The following MCCC2 variants were observed in gnomAD, a reference collection of about 807,000 sequenced individuals.
MCCC2 encodes the protein methylcrotonyl-CoA carboxylase subunit 2.
Under a neutral mutation model 77.2 loss-of-function variants are expected in MCCC2, and 52 were observed. That is an observed-to-expected ratio of 0.67 (90% confidence interval 0.54 to 0.85). The LOEUF (loss-of-function observed/expected upper bound fraction) is 0.85, where lower values mean the gene tolerates loss of function less well. Ranked by LOEUF, MCCC2 falls within the 40% of genes least tolerant of loss-of-function variation. The probability of loss-of-function intolerance (pLI) is 0.00; values close to 1 mark genes in which losing one functional copy is unlikely to be tolerated. For missense variants in MCCC2, 682 were observed against 703.2 expected, an observed-to-expected ratio of 0.97 and a Z score of 0.34; for synonymous variants, 253 against 248.4, an observed-to-expected ratio of 1.02 and a Z score of -0.18.
chr5:71,650,169 C>G lies in MCCC2; in HGVS notation c.1474C>G (p.Arg492Gly). ...CACGATAACAAAGGACCAAAGAGCC[C>G]GGGAAGGAAAGCAGGTCGGTGTCGT... ...LATITKDQRAREGKQFSSADE... is the reference protein window; with the variant it reads ...LATITKDQRAGEGKQFSSADE... Residue 492 changes from arginine (R) to glycine (G), a missense_variant, in exon 15 of 17, where the codon CGG becomes GGG. By Grantham distance (125) the Arg-to-Gly change is moderately radical. Transcript: ENST00000340941. The G allele has an allele frequency of 6.2e-7, 1 of 1,614,008 alleles. No individual in the cohort carries two copies. Among genetic ancestry groups the G allele is most frequent in the East Asian group, 2.2e-5 (1 of 44,880 alleles).
At chr5:71,601,461 A>G (rs1460454175) in intron 4 of MCCC2, among the ~76,000 whole-genome samples, 6 of 152,220 alleles carry the variant, frequency 3.9e-5, no homozygotes, top group Admixed American at 6.5e-5. Flanking sequence ...TAAATCATTA[A>G]AAGTTTGCAT....
Position 71,650,853 on chromosome 5 carries a change from G to A in MCCC2, c.1488+670G>A, listed in dbSNP as rs543866244. 2.4e-3 allele frequency among the ~76,000 whole-genome samples: 361 copies of A among 152,276 alleles called. 2 individuals carry two copies. The highest frequency in any genetic ancestry group is 3.0e-3 in the Non-Finnish European group (206 of 68,030). On this transcript the variant is annotated intron_variant, in intron 15 of 16. Coordinates refer to ENST00000340941, the MANE Select transcript of MCCC2 (RefSeq NM_022132.5). ...TTTAGTAGAGATGGGGTTTCACTGTGTTAGCCAGGATGGTCTCGATCTCCT... is the reference window on the plus strand; with the variant it reads ...TTTAGTAGAGATGGGGTTTCACTGTATTAGCCAGGATGGTCTCGATCTCCT...
intron 1 of MCCC2, among the ~76,000 whole-genome samples, chr5:71,588,823 C>T (rs949717735): frequency 2.0e-5 from 3 of 151,916 alleles, no homozygotes; most frequent in African/African-American, 7.3e-5. Context: ...AATTCCATGT[C>T]TAGGACATGG....
intron 7 of MCCC2, among the ~76,000 whole-genome samples, chr5:71,628,730 CAAGTT>C (rs1229586928): frequency 6.6e-6 from 1 of 152,114 alleles, no homozygotes; most frequent in African/African-American, 2.4e-5. Flanking sequence ...AGGTCAATAA[CAAGTT>C]AATAAGCTGT....
chr5:71,634,994 C>G lies in MCCC2; in HGVS notation c.855C>G (p.His285Gln), dbSNP rs1334585091. ...HWALDDHHAL[H>Q]LTRKVVRNLN... ...CTTTGGATGATCATCATGCCCTTCACTTAACTAGGAAGGTTGTGAGGAATC... is the reference window on the plus strand; with the variant it reads ...CTTTGGATGATCATCATGCCCTTCAGTTAACTAGGAAGGTTGTGAGGAATC... The change falls in exon 9 of 17, where the codon CAC becomes CAG. Residue 285 changes from histidine (H) to glutamine (Q), a missense_variant. Physicochemically the swap from His to Gln is conservative, Grantham distance 24. Transcript: ENST00000340941. 6.2e-7 allele frequency: 1 copy of G among 1,613,984 alleles called. No homozygotes were observed. The highest frequency in any genetic ancestry group is 1.3e-5 in the African/African-American group (1 of 74,910).
At chr5:71,632,073 A>G (rs186940449) in intron 7 of MCCC2, 48 bp from the exon 8 acceptor site, 7 of 1,555,960 alleles carry the variant, frequency 4.5e-6, no homozygotes, top group South Asian at 4.5e-5. Context: ...AAGCATTTTT[A>G]TATGTCTGAT....
chr5:71,646,356 C>G, intron 13 of MCCC2, 79 bp downstream of exon 13: 1 of 1,257,206 alleles, frequency 8.0e-7, no homozygotes, highest in Non-Finnish European at 1.2e-6. Context: ...TTGGACAGCA[C>G]ACATGTAGAC....
intron 5 of MCCC2, among the ~76,000 whole-genome samples, 178 bp from the exon 6 acceptor site, chr5:71,604,178 A>G (rs1745570001): frequency 6.6e-6 from 1 of 152,170 alleles, no homozygotes; most frequent in African/African-American, 2.4e-5. Context: ...GTTTGGGGCA[A>G]TGAATCCTTT....
chr5:71,645,845 A>G (rs1362202953), intron 12 of MCCC2, among the ~76,000 whole-genome samples: 5 of 152,228 alleles, frequency 3.3e-5, no homozygotes, highest in Admixed American at 3.3e-4. Flanking sequence ...CCTATTGATA[A>G]TGGAGTAGCA....
chr5:71,616,883 A>G (rs1475869907), intron 6 of MCCC2, among the ~76,000 whole-genome samples: 3 of 151,974 alleles, frequency 2.0e-5, no homozygotes, highest in Admixed American at 6.6e-5. Flanking sequence ...CTCTGTTCCT[A>G]CTATCACCCC....
At chr5:71,644,043 G>A (rs1274639764) in intron 12 of MCCC2, 148 bp downstream of exon 12, 3 of 634,404 alleles carry the variant, frequency 4.7e-6, no homozygotes, top group Non-Finnish European at 5.5e-6. Context: ...ATGTGTGTGT[G>A]TGTGTGTGTG....
intron 10 of MCCC2, among the ~76,000 whole-genome samples, chr5:71,639,410 TA>T (rs1482865956): frequency 1.3e-5 from 2 of 152,078 alleles, no homozygotes; most frequent in Admixed American, 6.5e-5. Context: ...TTTTTTTTTT[TA>T]AACCTCATGA....
chr5:71,607,881 C>T (rs372811616), intron 6 of MCCC2, among the ~76,000 whole-genome samples: 31,067 of 112,024 alleles, frequency 0.28, 5,046 homozygotes, highest in Non-Finnish European at 0.38. Flanking sequence ...TGTAGTTGAG[C>T]AGTTTTGAGT....
intron 6 of MCCC2, among the ~76,000 whole-genome samples, chr5:71,608,099 GT>G (rs1745764601): frequency 2.3e-5 from 1 of 42,868 alleles, no homozygotes; most frequent in Non-Finnish European, 5.0e-5. Context: ...GGTCCGCTTG[GT>G]GCAGAGCTGA....
In MCCC2 at chr5:71,633,117, A is replaced by ATT. The variant is rs1561841336; in HGVS notation, c.803+933_803+934insTT. 7.8e-4 allele frequency among the ~76,000 whole-genome samples: 59 copies of ATT among 75,204 alleles called. 1 individual carries two copies. Among genetic ancestry groups the ATT allele is most frequent in the Non-Finnish European group, 1.3e-3 (49 of 38,692 alleles). 49.3% of individuals were successfully genotyped at this position (75,204 alleles called of 152,430 possible). On this transcript the variant is annotated intron_variant, in intron 8 of 16. Coordinates refer to ENST00000340941, the MANE Select transcript of MCCC2 (RefSeq NM_022132.5). ...TATATATATATATATATATATATAT[A>ATT]TATATATATATATATTTTTATTTTT...
At chr5:71,601,916 C>A (rs765432923) in intron 4 of MCCC2, among the ~76,000 whole-genome samples, 31 of 152,218 alleles carry the variant, frequency 2.0e-4, no homozygotes, top group Non-Finnish European at 3.4e-4. Context: ...ACTCAGGATA[C>A]CTTTCATGTG....
intron 10 of MCCC2, chr5:71,635,724 C>T (rs1383017591): frequency 4.1e-6 from 1 of 245,478 alleles, no homozygotes; most frequent in African/African-American, 2.3e-5. Flanking sequence ...ACATAGTGTT[C>T]TGTAATTTAG....
chr5:71,590,816 C>CAAA (rs35575009), intron 1 of MCCC2, among the ~76,000 whole-genome samples: 4 of 130,028 alleles, frequency 3.1e-5, no homozygotes, highest in African/African-American at 3.0e-5. Context: ...GACTCCGTCT[C>CAAA]AAAAAAAAAA....
chr5:71,602,523 T>A lies in MCCC2; in HGVS notation c.401T>A (p.Ile134Asn). ...GRVSGVECMI[I>N]ANDATVKGGA... Reference sequence around the variant, plus strand: ...CCTTTCAGAGTAGAATGCATGATTATTGCCAATGATGCCACCGTCAAAGGA... The same window carrying A: ...CCTTTCAGAGTAGAATGCATGATTAATGCCAATGATGCCACCGTCAAAGGA... The change falls in exon 5 of 17, where the codon ATT (isoleucine) becomes AAT (asparagine). Residue 134 changes from isoleucine to asparagine, a missense_variant. By Grantham distance (149) the Ile-to-Asn change is moderately radical. Coordinates refer to ENST00000340941, the MANE Select transcript of MCCC2 (RefSeq NM_022132.5). 1 of 1,614,154 alleles carries A rather than the reference T, an allele frequency of 6.2e-7. No individual in the cohort carries two copies. The highest frequency in any genetic ancestry group is 2.2e-5 in the East Asian group (1 of 44,870).
Sources: gnomAD v4.1 joint callset for allele counts (sites outside exome capture counted in the v4.1 genomes callset) on GRCh38, gnomAD v4.1.1 for gene constraint, MANE v1.5 for transcripts, NCBI Gene and HGNC (gene_info 2026-07-23, HGNC 2026-07-21) for gene names.